GRM3: variants seen among roughly 807,000 people sequenced by gnomAD.
The protein encoded by GRM3 is glutamate metabotropic receptor 3.
A neutral mutation model predicts 70.5 loss-of-function variants in GRM3; 26 were observed. The observed-to-expected ratio is 0.37, with a 90% CI of 0.27 to 0.51. GRM3 has a LOEUF of 0.51. Ranked by LOEUF, GRM3 falls within the 20% of genes least tolerant of loss-of-function variation. GRM3 has a pLI of 0.93. For synonymous variants in GRM3, 443 were observed against 434.9 expected, an observed-to-expected ratio of 1.02 and a Z score of -0.23; for missense variants, 859 against 1,123.8, an observed-to-expected ratio of 0.76 and a Z score of 3.37.
At chr7:86,812,370 T>C (rs1797926900) in intron 3 of GRM3, among the ~76,000 whole-genome samples, 1 of 151,744 alleles carries the variant, frequency 6.6e-6, no homozygotes, top group African/African-American at 2.4e-5. Flanking sequence ...ATTGTACAGA[T>C]GTGCTTGTGC....
At chr7:86,650,375 T>C (rs920286175) in intron 1 of GRM3, among the ~76,000 whole-genome samples, 12 of 152,048 alleles carry the variant, frequency 7.9e-5, no homozygotes, top group Non-Finnish European at 1.6e-4. Flanking sequence ...TTTTAATTAA[T>C]TTATTTATTT....
At position 86,707,855 on chromosome 7, in the gene GRM3, C is replaced by A. The variant is rs773321096; in HGVS notation, c.-140-57151C>A. The stretch of plus-strand genomic sequence containing the variant: ...ACATAAACCTAGTTTATTTAACAAA[C>A]GATTATATAATATTTACCAAATGCC... On this transcript the variant is annotated intron_variant, in intron 1 of 5. Transcript: ENST00000361669. Among the ~76,000 whole-genome samples, 6 of 151,938 alleles carry A rather than the reference C, an allele frequency of 3.9e-5. No homozygotes were observed. In the East Asian group the frequency reaches 1.2e-3, roughly 29 times the overall value.
chr7:86,745,982 A>C (rs1796092342), intron 1 of GRM3, among the ~76,000 whole-genome samples: 1 of 152,062 alleles, frequency 6.6e-6, no homozygotes. Flanking sequence ...AAAACTAAAC[A>C]GATGTGTCTA....
intron 1 of GRM3, among the ~76,000 whole-genome samples, chr7:86,689,680 C>G (rs1252847149): frequency 6.6e-6 from 1 of 151,828 alleles, no homozygotes; most frequent in Non-Finnish European, 1.5e-5. Flanking sequence ...ATGTGAATAG[C>G]TATAAGAAGT....
intron 4 of GRM3, among the ~76,000 whole-genome samples, chr7:86,844,598 T>C (rs1465632569): frequency 6.6e-6 from 1 of 152,192 alleles, no homozygotes; most frequent in Non-Finnish European, 1.5e-5. Flanking sequence ...TATTACTACA[T>C]GGCAAAAAGG....
intron 2 of GRM3, among the ~76,000 whole-genome samples, chr7:86,770,430 A>G (rs1796710710): frequency 1.3e-5 from 2 of 152,114 alleles, no homozygotes; most frequent in Admixed American, 6.6e-5. Context: ...GGAGATGGTT[A>G]CTATCACATA....
At chr7:86,831,951 G>C (rs1169436332) in intron 3 of GRM3, among the ~76,000 whole-genome samples, 1 of 152,164 alleles carries the variant, frequency 6.6e-6, no homozygotes, top group Non-Finnish European at 1.5e-5. Context: ...CTCAGCTGAT[G>C]ACTGTGAGAA....
chr7:86,728,850 C>T (rs1795653817), intron 1 of GRM3, among the ~76,000 whole-genome samples: 2 of 152,158 alleles, frequency 1.3e-5, no homozygotes, highest in Admixed American at 6.5e-5. Flanking sequence ...GGTAAAGATA[C>T]ACAATGATTG....
intron 3 of GRM3, among the ~76,000 whole-genome samples, chr7:86,821,268 A>T (rs1405727900): frequency 6.6e-6 from 1 of 152,134 alleles, no homozygotes; most frequent in African/African-American, 2.4e-5. Flanking sequence ...AATATAAAGA[A>T]CTGCTATAGC....
At chr7:86,842,574 C>T (rs1181196136) in intron 4 of GRM3, among the ~76,000 whole-genome samples, 1 of 152,072 alleles carries the variant, frequency 6.6e-6, no homozygotes, top group Non-Finnish European at 1.5e-5. Flanking sequence ...TTTAAAATTT[C>T]CCAGAGGAAA....
chr7:86,733,302 A>G (rs545362750), intron 1 of GRM3, among the ~76,000 whole-genome samples: 36 of 145,010 alleles, frequency 2.5e-4, no homozygotes, highest in Non-Finnish European at 3.9e-4. Flanking sequence ...CAACAGAGCG[A>G]CACGCCGTCT....
chr7:86,709,259 C>T (rs767984741), intron 1 of GRM3, among the ~76,000 whole-genome samples: 2 of 151,918 alleles, frequency 1.3e-5, no homozygotes, highest in East Asian at 1.9e-4. Context: ...TCCCCGTAAC[C>T]GCAATGAGTT....
chr7:86,729,922 A>G (rs1364034334), intron 1 of GRM3, among the ~76,000 whole-genome samples: 1 of 151,998 alleles, frequency 6.6e-6, no homozygotes, highest in African/African-American at 2.4e-5. Context: ...CCTGGCCAAC[A>G]TGGTGAAACC....
intron 3 of GRM3, among the ~76,000 whole-genome samples, chr7:86,809,056 C>T (rs974035650): frequency 6.6e-5 from 10 of 151,924 alleles, no homozygotes; most frequent in African/African-American, 2.4e-4. Context: ...ATAAAGAAAC[C>T]TAAAGAGACT....
At chr7:86,823,836 A>G (rs1464485390) in intron 3 of GRM3, among the ~76,000 whole-genome samples, 1 of 152,140 alleles carries the variant, frequency 6.6e-6, no homozygotes, top group Non-Finnish European at 1.5e-5. Context: ...CCAGGAGCCA[A>G]GAAAGCTTTG....
chr7:86,808,367 G>A (rs530359620), intron 3 of GRM3, among the ~76,000 whole-genome samples: 23 of 151,914 alleles, frequency 1.5e-4, no homozygotes, highest in African/African-American at 4.1e-4. Flanking sequence ...CTGTGAATCC[G>A]TCTGGTCCTG....
intron 1 of GRM3, among the ~76,000 whole-genome samples, chr7:86,696,559 A>G (rs1164959614): frequency 2.6e-5 from 4 of 152,176 alleles, no homozygotes; most frequent in African/African-American, 4.8e-5. Context: ...AATTTCTTAC[A>G]CCACTAAATT....
intron 1 of GRM3, among the ~76,000 whole-genome samples, chr7:86,757,325 T>C (rs562037680): frequency 1.3e-5 from 2 of 152,332 alleles, no homozygotes; most frequent in South Asian, 4.1e-4. Flanking sequence ...AACAGGCACA[T>C]AAATAAATAC....
intron 1 of GRM3, among the ~76,000 whole-genome samples, chr7:86,747,096 C>T (rs1008131869): frequency 7.2e-5 from 11 of 152,044 alleles, no homozygotes; most frequent in Admixed American, 6.6e-4. Flanking sequence ...TATAAGTTCC[C>T]TTCCATATGT....
Sources: gnomAD v4.1 joint callset for allele counts (sites outside exome capture counted in the v4.1 genomes callset) on GRCh38, gnomAD v4.1.1 for gene constraint, MANE v1.5 for transcripts, NCBI Gene and HGNC (gene_info 2026-07-23, HGNC 2026-07-21) for gene names.